Variants in DNER observed in about 807,000 individuals in gnomAD.
DNER encodes delta and Notch-like epidermal growth factor-related receptor.
DNER carries 33 observed loss-of-function variants against 78.2 expected under a neutral mutation model. That is an observed-to-expected ratio of 0.42 (90% CI 0.32 to 0.56). The LOEUF (loss-of-function observed/expected upper bound fraction) is 0.56, where lower values mean the gene tolerates loss of function less well. DNER is among the 20% of genes least tolerant of loss of function. The pLI is 0.11. For missense variants in DNER, 918 were observed against 975.3 expected (o/e 0.94, Z 0.78); for synonymous variants, 417 against 384.8 (o/e 1.08, Z -0.98).
intron 1 of DNER, among the ~76,000 whole-genome samples, chr2:229,619,904 C>T (rs1030234796): frequency 6.6e-6 from 1 of 152,304 alleles, no homozygotes; most frequent in African/African-American, 2.4e-5. Flanking sequence ...TCTCACCCCA[C>T]GGGTCATTCT....
At chr2:229,545,752 G>A (rs1340532520) in intron 5 of DNER, among the ~76,000 whole-genome samples, 1 of 152,194 alleles carries the variant, frequency 6.6e-6, no homozygotes, top group East Asian at 1.9e-4. Flanking sequence ...TGAAGAAAAA[G>A]TGGAACAGGG....
chr2:229,547,736 T>C (rs1404538428), intron 4 of DNER, among the ~76,000 whole-genome samples: 3 of 152,218 alleles, frequency 2.0e-5, no homozygotes, highest in Non-Finnish European at 4.4e-5. Context: ...TCTAATAAAA[T>C]GGGACTAATC....
chr2:229,565,013 T>C (rs968010303), intron 4 of DNER, among the ~76,000 whole-genome samples: 9 of 152,158 alleles, frequency 5.9e-5, no homozygotes, highest in African/African-American at 2.2e-4. Flanking sequence ...ACTAATCCTA[T>C]TAATGAGGGC....
intron 1 of DNER, among the ~76,000 whole-genome samples, chr2:229,660,095 T>C (rs1361243871): frequency 6.6e-6 from 1 of 152,282 alleles, no homozygotes; most frequent in East Asian, 1.9e-4. Context: ...TTGACTTCTT[T>C]TAAGGAAATG....
At chr2:229,575,104 CTTA>C (rs1330061579) in intron 4 of DNER, among the ~76,000 whole-genome samples, 2 of 151,958 alleles carry the variant, frequency 1.3e-5, no homozygotes, top group South Asian at 4.2e-4. Context: ...ATAAAAATAA[CTTA>C]TTATGTAATT....
chr2:229,703,884 C>CA (rs1183836979), intron 1 of DNER, among the ~76,000 whole-genome samples: 18 of 106,130 alleles, frequency 1.7e-4, no homozygotes, highest in Non-Finnish European at 3.0e-4. Flanking sequence ...GACCCTGTCT[C>CA]AAAAAAAATG....
chr2:229,714,217 G>T lies in DNER; in HGVS notation c.207C>A (p.His69Gln), dbSNP rs577320876. Residue 69 changes from histidine (H) to glutamine (Q), a missense_variant, in exon 1 of 13, where the codon CAC becomes CAA. By Grantham distance (24) the His-to-Gln change is conservative. Coordinates refer to ENST00000341772, the MANE Select transcript of DNER (RefSeq NM_139072.4). ...CTSRPEPDPQ[H>Q]PAPAGEPGYS... ...AGCCAGGCTCGCCGGCGGGGGCCGGGTGCTGCGGGTCCGGCTCAGGGCGCG... is the reference window on the plus strand; with the variant it reads ...AGCCAGGCTCGCCGGCGGGGGCCGGTTGCTGCGGGTCCGGCTCAGGGCGCG... 4 of 1,393,900 alleles carry T rather than the reference G, an allele frequency of 2.9e-6. No individual in the cohort carries two copies. In the African/African-American group the frequency reaches 6.0e-5, roughly 21 times the overall value. The allele number at this position is 1,393,900 out of a possible 1,614,324, so 86.3% of individuals were successfully genotyped here. A position where few individuals can be genotyped will look rare whatever the true frequency, so the allele number is the denominator to read the frequency against.
chr2:229,555,316 C>A lies in DNER; in HGVS notation c.848-8224G>T, dbSNP rs181330810. Among the ~76,000 whole-genome samples, 76 of 152,158 alleles carry A rather than the reference C, an allele frequency of 5.0e-4. No individual in the cohort carries two copies. The East Asian group carries it at 0.014, about 29-fold the overall frequency. On this transcript the variant is annotated intron_variant, in intron 4 of 12. Coordinates refer to ENST00000341772, the MANE Select transcript of DNER (RefSeq NM_139072.4). ...GTGCTTTCTATTCTTCCTTTATGGC[C>A]CTGAACCATGTAGACACCTTACACC...
intron 1 of DNER, among the ~76,000 whole-genome samples, chr2:229,648,123 A>G (rs1241384042): frequency 6.6e-6 from 1 of 152,178 alleles, no homozygotes; most frequent in Non-Finnish European, 1.5e-5. Context: ...CATAAAATTT[A>G]GTGTTGTCAT....
At chr2:229,594,147 A>C (rs1289669467) in intron 1 of DNER, among the ~76,000 whole-genome samples, 6 of 152,230 alleles carry the variant, frequency 3.9e-5, no homozygotes, top group Non-Finnish European at 7.3e-5. Context: ...GCACGTGTAC[A>C]CACCCTTCCC....
chr2:229,400,732 T>C (rs562269373), intron 10 of DNER, among the ~76,000 whole-genome samples: 1 of 152,186 alleles, frequency 6.6e-6, no homozygotes, highest in East Asian at 1.9e-4. Flanking sequence ...AACAAATCTT[T>C]CATCCAGAAG....
chr2:229,666,314 C>T (rs1699091915), intron 1 of DNER, among the ~76,000 whole-genome samples: 1 of 152,192 alleles, frequency 6.6e-6, no homozygotes, highest in South Asian at 2.1e-4. Flanking sequence ...ATCTCTCCCA[C>T]ACCCATTTCC....
At chr2:229,402,143 A>AG (rs5839323) in intron 10 of DNER, among the ~76,000 whole-genome samples, 59,927 of 151,820 alleles carry the variant, frequency 0.39, 12,765 homozygotes, top group Middle Eastern at 0.5. Context: ...AAACCATAAA[A>AG]GAAAAAAAAT....
chr2:229,395,846 G>A (rs368168738), intron 10 of DNER, among the ~76,000 whole-genome samples: 68 of 152,204 alleles, frequency 4.5e-4, no homozygotes, highest in African/African-American at 1.6e-3. Flanking sequence ...TGCAGTGAGC[G>A]GAGATGGCGC....
intron 1 of DNER, among the ~76,000 whole-genome samples, chr2:229,671,872 G>A (rs1395096937): frequency 1.3e-5 from 2 of 152,220 alleles, no homozygotes; most frequent in African/African-American, 4.8e-5. Context: ...ATAACAGAGG[G>A]AAGGCACTGA....
At position 229,470,743 on chromosome 2, in the gene DNER, G is replaced by A. The variant is rs185520006; in HGVS notation, c.1261+6397C>T. Among the ~76,000 whole-genome samples the A allele has an allele frequency of 5.3e-3, 812 of 152,146 alleles. 9 individuals carry two copies. Among genetic ancestry groups the A allele is most frequent in the African/African-American group, 0.018 (767 of 41,476 alleles). On this transcript the variant is annotated intron_variant, in intron 7 of 12. Coordinates refer to ENST00000341772, the MANE Select transcript of DNER (RefSeq NM_139072.4). ...TGGTCGCCTGTAATGCCAGCTATTCGGGAGGCTGAAGCAGGAGAATCACTT... is the reference window on the plus strand; with the variant it reads ...TGGTCGCCTGTAATGCCAGCTATTCAGGAGGCTGAAGCAGGAGAATCACTT...
At chr2:229,644,156 T>C (rs1246501057) in intron 1 of DNER, among the ~76,000 whole-genome samples, 1 of 152,102 alleles carries the variant, frequency 6.6e-6, no homozygotes, top group African/African-American at 2.4e-5. Context: ...TAATTTTTAA[T>C]TTTTGTGGGT....
intron 1 of DNER, among the ~76,000 whole-genome samples, chr2:229,701,224 G>A (rs1037008638): frequency 2.6e-4 from 40 of 152,284 alleles, no homozygotes; most frequent in African/African-American, 9.6e-4. Flanking sequence ...CCATGAAGAT[G>A]CAAAACTATG....
chr2:229,712,185 C>T (rs1699921907), intron 1 of DNER, among the ~76,000 whole-genome samples: 2 of 152,206 alleles, frequency 1.3e-5, no homozygotes, highest in African/African-American at 2.4e-5. Context: ...CCAATGGGAG[C>T]TACAAAAGAA....
Sources: allele counts gnomAD v4.1 joint callset (sites outside exome capture counted in the v4.1 genomes callset), GRCh38; gene constraint gnomAD v4.1.1; transcripts MANE v1.5; gene names NCBI Gene and HGNC (gene_info 2026-07-23, HGNC 2026-07-21).